ZNF483: variants seen among roughly 807,000 people sequenced by gnomAD.
The protein encoded by ZNF483 is zinc finger protein HIT-10.
A neutral mutation model predicts 28.6 loss-of-function variants in ZNF483; 9 were observed. The ratio of observed to expected loss-of-function variants is 0.32; its 90% CI spans 0.19 to 0.55. ZNF483 has a LOEUF of 0.55. Among genes scored for constraint, ZNF483 ranks in the 20% least tolerant of loss-of-function variants. ZNF483 has a pLI of 0.93. For missense variants in ZNF483, 675 were observed against 871.7 expected, an observed-to-expected ratio of 0.77 and a Z score of 2.84; for synonymous variants, 322 against 306.2, an observed-to-expected ratio of 1.05 and a Z score of -0.54.
At chr9:111,573,951 T>C (rs923987080) in intron 5 of ZNF483, among the ~76,000 whole-genome samples, 3 of 152,172 alleles carry the variant, frequency 2.0e-5, no homozygotes, top group African/African-American at 7.2e-5. Context: ...GGGAAGCTGC[T>C]GCTCCCTTCC....
At chr9:111,569,440 A>G (rs971517581) in intron 5 of ZNF483, among the ~76,000 whole-genome samples, 9 of 152,212 alleles carry the variant, frequency 5.9e-5, no homozygotes, top group African/African-American at 2.2e-4. Context: ...GCTAAGAATC[A>G]ACCAGTGGAT....
chr9:111,535,904 T>TC (rs1827486215), intron 5 of ZNF483, among the ~76,000 whole-genome samples: 1 of 148,422 alleles, frequency 6.7e-6, no homozygotes, highest in African/African-American at 2.5e-5. Flanking sequence ...ATTATTCTTT[T>TC]TTTTTTTTTT....
chr9:111,567,699 A>C (rs958161005), intron 5 of ZNF483, among the ~76,000 whole-genome samples: 1 of 152,196 alleles, frequency 6.6e-6, no homozygotes, highest in Non-Finnish European at 1.5e-5. Flanking sequence ...TTTGGATCAT[A>C]AGAACGGCAG....
In ZNF483 at chr9:111,553,442, A is replaced by G. The variant is rs1564604322; in HGVS notation, c.*10272A>G. ...ATCTCATTTTAGGATTCTGATTTAC[A>G]TAGGTATCACTGTAACTTGTGCTGT... On this transcript the variant is annotated 3_prime_UTR_variant, in exon 6 of 6. Transcript: ENST00000309235. Among the ~76,000 whole-genome samples, 1 of 152,198 alleles carries G rather than the reference A, an allele frequency of 6.6e-6. No individual in the cohort carries two copies. Among genetic ancestry groups the G allele is most frequent in the African/African-American group, 2.4e-5 (1 of 41,446 alleles).
At chr9:111,558,548 T>C (rs1056638375), downstream of ZNF483, among the ~76,000 whole-genome samples, 1 of 152,206 alleles carries the variant, frequency 6.6e-6, no homozygotes, top group African/African-American at 2.4e-5. Context: ...GCTCATCTTG[T>C]ATCTTCCCTA....
At chr9:111,576,411 A>G (rs1432948528) in exon 6 of ZNF483, 5 of 1,614,036 alleles carry the variant, frequency 3.1e-6, no homozygotes, top group Non-Finnish European at 3.4e-6. Context: ...CTGAGGCTGA[A>G]TAAGACCATG....
At chr9:111,571,295 C>T (rs1159269749) in intron 5 of ZNF483, among the ~76,000 whole-genome samples, 1 of 149,458 alleles carries the variant, frequency 6.7e-6, no homozygotes, top group African/African-American at 2.4e-5. Flanking sequence ...GCCTGTAATC[C>T]CAGCTACTCA....
intron 5 of ZNF483, among the ~76,000 whole-genome samples, chr9:111,566,474 C>T (rs1396155136): frequency 6.6e-6 from 1 of 152,180 alleles, no homozygotes; most frequent in East Asian, 1.9e-4. Flanking sequence ...GGGAAATGAT[C>T]ATTGGCCAGG....
rs1321320204 is a variant in ZNF483 at position 111,546,313 on chromosome 9, A to C, written c.*3143A>C. Among the ~76,000 whole-genome samples, 2 of 152,188 alleles carry C rather than the reference A, an allele frequency of 1.3e-5. No individual in the cohort carries two copies. The highest frequency in any genetic ancestry group is 4.8e-5 in the African/African-American group (2 of 41,458). On this transcript the variant is annotated 3_prime_UTR_variant, in exon 6 of 6. Coordinates refer to ENST00000309235, the MANE Select transcript of ZNF483 (RefSeq NM_133464.5). ...CCTTTATCCAATATGAACTTTCTAA[A>C]TACCATGTACTAGCTACAGAGAGCA...
rs1445243462 is a variant in ZNF483, at chr9:111,552,144, TTTGA to T, written c.*8979_*8982del. The stretch of plus-strand genomic sequence containing the variant: ...GTGAATCACAGTGCTACTTTTTGTC[TTTGA>T]TTGAATATTTGGTAAGCATTTCTTT... On this transcript the variant is annotated 3_prime_UTR_variant, in exon 6 of 6. Coordinates refer to ENST00000309235, the MANE Select transcript of ZNF483 (RefSeq NM_133464.5). 3.3e-5 allele frequency among the ~76,000 whole-genome samples: 5 copies of T among 152,248 alleles called. No homozygotes were observed. Among genetic ancestry groups the T allele is most frequent in the African/African-American group, 1.2e-4 (5 of 41,472 alleles).
Position 111,544,410 on chromosome 9 carries a change from A to G in ZNF483, c.*1240A>G. On this transcript the variant is annotated 3_prime_UTR_variant, in exon 6 of 6. Coordinates refer to ENST00000309235, the MANE Select transcript of ZNF483 (RefSeq NM_133464.5). ...CCACTATCTAAAATTAGGGCATTTC[A>G]TACTAAAAACAAAGCTTGTCTTAAA... 2.1e-6 allele frequency: 2 copies of G among 971,354 alleles called. No homozygotes were observed. The highest frequency in any genetic ancestry group is 2.4e-6 in the Non-Finnish European group (2 of 817,204). The allele number at this position is 971,354 out of a possible 1,614,324, so 60.2% of individuals were successfully genotyped here. A position where few individuals can be genotyped will look rare whatever the true frequency, so the allele number is the denominator to read the frequency against.
intron 2 of ZNF483, among the ~76,000 whole-genome samples, chr9:111,528,467 CATT>C (rs1162408372): frequency 2.0e-5 from 3 of 152,112 alleles, no homozygotes; most frequent in Non-Finnish European, 2.9e-5. Context: ...ACGGTGATAT[CATT>C]ATAAAATATT....
In ZNF483 at chr9:111,545,940, A is replaced by G. The variant is rs1394855612; in HGVS notation, c.*2770A>G. 1.3e-5 allele frequency among the ~76,000 whole-genome samples: 2 copies of G among 152,174 alleles called. No individual in the cohort carries two copies. Among genetic ancestry groups the G allele is most frequent in the Non-Finnish European group, 2.9e-5 (2 of 68,028 alleles). Reference sequence around the variant, plus strand: ...GATGCCTGAGGGGAGTTGCTAGGTCATACGGTAAATTTTCATTTAACTTTT... The same window carrying G: ...GATGCCTGAGGGGAGTTGCTAGGTCGTACGGTAAATTTTCATTTAACTTTT... On this transcript the variant is annotated 3_prime_UTR_variant, in exon 6 of 6. Transcript: ENST00000309235.
intron 5 of ZNF483, among the ~76,000 whole-genome samples, chr9:111,539,108 G>A (rs1158809267): frequency 8.4e-5 from 6 of 71,714 alleles, no homozygotes; most frequent in East Asian, 8.5e-4. Flanking sequence ...GCGAGACTCC[G>A]TCTCAAAAAA....
chr9:111,534,718 C>CTTTTTTTTT (rs67740162), intron 5 of ZNF483, among the ~76,000 whole-genome samples: 21 of 88,128 alleles, frequency 2.4e-4, no homozygotes, highest in African/African-American at 6.8e-4. Context: ...GTCGTTCTAT[C>CTTTTTTTTT]TTTTTTTTTT....
intron 3 of ZNF483, among the ~76,000 whole-genome samples, chr9:111,531,359 A>G (rs1827341854): frequency 6.6e-6 from 1 of 152,138 alleles, no homozygotes; most frequent in South Asian, 2.1e-4. Flanking sequence ...AGTCAAGTGA[A>G]ATAGAAGTTC....
rs1308810483 is a variant in ZNF483 at position 111,542,762 on chromosome 9, T to C, written c.1827T>C (p.Cys609=). The change falls in exon 6 of 6, where the codon TGT becomes TGC. Residue 609 remains cysteine (C), a synonymous_variant. Transcript: ENST00000309235. The surrounding 1 kb of genome is among the most constrained non-coding windows in gnomAD (Gnocchi z 6.2). ...RIHTGEKPYL[C]NDCGMTFSHF... The stretch of plus-strand genomic sequence containing the variant: ...ACACTGGAGAAAAACCATATTTGTG[T>C]AATGATTGCGGAATGACTTTTAGCC... 7 of 1,614,120 alleles carry C rather than the reference T, an allele frequency of 4.3e-6. No individual in the cohort carries two copies. The highest frequency in any genetic ancestry group is 5.9e-6 in the Non-Finnish European group (7 of 1,179,976).
rs1827823015 is a variant in ZNF483 at position 111,546,951 on chromosome 9, T to C, written c.*3781T>C. ...GAATCATACAATATTTGCCCTGTTG[T>C]GTTTGGCTTATTCCACTTAGCATTA... On this transcript the variant is annotated 3_prime_UTR_variant, in exon 6 of 6. Transcript: ENST00000309235. 1.3e-5 allele frequency among the ~76,000 whole-genome samples: 2 copies of C among 152,204 alleles called. No homozygotes were observed. Among genetic ancestry groups the C allele is most frequent in the Admixed American group, 1.3e-4 (2 of 15,272 alleles).
At chr9:111,569,906 G>T (rs1444615859) in intron 5 of ZNF483, 1 of 926,088 alleles carries the variant, frequency 1.1e-6, no homozygotes, top group Non-Finnish European at 1.6e-6. Context: ...TTTAGAGAGG[G>T]TTGTTTTGTT....
Sources: gnomAD v4.1 joint callset for allele counts (sites outside exome capture counted in the v4.1 genomes callset) on GRCh38, gnomAD v4.1.1 for gene constraint, Gnocchi (gnomAD v3.1) non-coding constraint, MANE v1.5 for transcripts, NCBI Gene and HGNC (gene_info 2026-07-23, HGNC 2026-07-21) for gene names.